Variants in BRPF3 observed in about 807,000 individuals in gnomAD.
BRPF3 encodes bromodomain and PHD finger-containing protein 3.
A neutral mutation model predicts 102.0 loss-of-function variants in BRPF3; 18 were observed. The observed-to-expected ratio is 0.18, with a 90% CI of 0.12 to 0.26. The LOEUF is 0.26. Among genes scored for constraint, BRPF3 ranks in the 10% least tolerant of loss-of-function variants. The probability of loss-of-function intolerance (pLI) is 1.00; values close to 1 mark genes in which losing one functional copy is unlikely to be tolerated. For synonymous variants in BRPF3, 570 were observed against 614.2 expected (o/e 0.93, Z 1.06); for missense variants, 1,147 against 1,567.8 (o/e 0.73, Z 4.53).
At chr6:36,213,134 A>G (rs1369162599) in intron 7 of BRPF3, among the ~76,000 whole-genome samples, 6 of 152,262 alleles carry the variant, frequency 3.9e-5, no homozygotes, top group African/African-American at 1.2e-4. Flanking sequence ...TCTTGAGTCC[A>G]GTGAGAATTG....
At chr6:36,218,546 G>T (rs1044172435) in intron 9 of BRPF3, among the ~76,000 whole-genome samples, 1 of 147,002 alleles carries the variant, frequency 6.8e-6, no homozygotes, top group African/African-American at 2.5e-5. Flanking sequence ...TGCAACCTCC[G>T]CCTCCTGGGT....
Position 36,222,158 on chromosome 6 carries a change from C to G in BRPF3, c.3084-10C>G, listed in dbSNP as rs1187180332. 6.5e-7 allele frequency: 1 copy of G among 1,550,170 alleles called. No homozygotes were observed. Among genetic ancestry groups the G allele is most frequent in the Admixed American group, 2.0e-5 (1 of 51,024 alleles). On this transcript the variant is annotated splice_polypyrimidine_tract_variant and intron_variant, in intron 9 of 12. Transcript: ENST00000357641. ...CTCATTTCACCCCTCTCTCCCTGCT[C>G]TGTGTGCAGTGGTCTGACGCCCCCC...
Position 36,200,976 on chromosome 6 carries a change from C to T in BRPF3, c.654C>T (p.Cys218=). The T allele has an allele frequency of 6.2e-7, 1 of 1,614,130 alleles. No homozygotes were observed. Among genetic ancestry groups the T allele is most frequent in the South Asian group, 1.1e-5 (1 of 91,078 alleles). ...LIDEDAFCCV[C]LDDECHNSNV... ...ATGAAGACGCTTTCTGCTGTGTGTGCCTGGATGATGAATGTCACAATAGCA... is the reference window on the plus strand; with the variant it reads ...ATGAAGACGCTTTCTGCTGTGTGTGTCTGGATGATGAATGTCACAATAGCA... The change falls in exon 2 of 13, where the codon TGC becomes TGT. Residue 218 remains cysteine, a synonymous_variant. Transcript: ENST00000357641. This position sits in a 1 kb window ranked among gnomAD's most constrained non-coding sequence, Gnocchi z 5.3.
chr6:36,197,666 G>T (rs1329459723), intron 1 of BRPF3: 1 of 151,894 alleles, frequency 6.6e-6, no homozygotes, highest in Non-Finnish European at 1.5e-5. Flanking sequence ...AATCTGGGGG[G>T]GCGGGGGTTG....
At position 36,196,912 on chromosome 6, in the gene BRPF3, G is replaced by T. The variant is rs1466750166; in HGVS notation, c.-85G>T. ...CTTCCCGGGCCGCGCCGACCTGCTCGGCGGCCTGCCCGCCCGCGCCCAGGG... is the reference window on the plus strand; with the variant it reads ...CTTCCCGGGCCGCGCCGACCTGCTCTGCGGCCTGCCCGCCCGCGCCCAGGG... On this transcript the variant is annotated 5_prime_UTR_variant, in exon 1 of 13. Transcript: ENST00000357641. The T allele has an allele frequency of 6.6e-6, 1 of 151,526 alleles. No individual in the cohort carries two copies. Among genetic ancestry groups the T allele is most frequent in the Non-Finnish European group, 1.5e-5 (1 of 67,750 alleles). The allele number at this position is 151,526 out of a possible 1,614,324, so 9.4% of individuals were successfully genotyped here.
At chr6:36,225,560 T>G (rs1043521548) in intron 11 of BRPF3, among the ~76,000 whole-genome samples, 196 bp downstream of exon 11, 1 of 152,170 alleles carries the variant, frequency 6.6e-6, no homozygotes. Flanking sequence ...GCTAAAAGTA[T>G]GCAGATCAAG....
chr6:36,220,486 C>T (rs1277054699), intron 9 of BRPF3, among the ~76,000 whole-genome samples: 1 of 152,172 alleles, frequency 6.6e-6, no homozygotes, highest in Non-Finnish European at 1.5e-5. Flanking sequence ...GGGTTTTGAA[C>T]CCAGATAGGC....
rs369444338 is a variant in BRPF3, at chr6:36,200,546, A to G, written c.224A>G (p.Asn75Ser). The G allele has an allele frequency of 6.8e-6, 11 of 1,614,230 alleles. No homozygotes were observed. The highest frequency in any genetic ancestry group is 6.7e-5 in the African/African-American group (5 of 75,058). ...ELTAQDITEC[N>S]SNKENSEQPQ... Reference sequence around the variant, plus strand: ...ACTGCCCAGGATATCACCGAATGCAATAGTAACAAGGAAAACAGTGAACAG... The same window carrying G: ...ACTGCCCAGGATATCACCGAATGCAGTAGTAACAAGGAAAACAGTGAACAG... The change falls in exon 2 of 13, where the codon AAT (asparagine) becomes AGT (serine). Residue 75 changes from asparagine (N) to serine (S), a missense_variant. Physicochemically the swap from Asn to Ser is conservative, Grantham distance 46. Transcript: ENST00000357641. This position sits in a 1 kb window ranked among gnomAD's most constrained non-coding sequence, Gnocchi z 5.3.
In BRPF3 at chr6:36,229,184, C is replaced by T. The variant is rs1464746574; in HGVS notation, c.3434+128C>T. 1.3e-5 allele frequency: 15 copies of T among 1,191,662 alleles called. No individual in the cohort carries two copies. The Admixed American group carries it at 3.7e-4, about 30-fold the overall frequency. 73.8% of individuals were successfully genotyped at this position (1,191,662 alleles called of 1,614,324 possible). On this transcript the variant is annotated intron_variant, in intron 12 of 12. Coordinates refer to ENST00000357641, the MANE Select transcript of BRPF3 (RefSeq NM_015695.3). Reference sequence around the variant, plus strand: ...TACCCTGGTCTCCACTTGCCAGCAACAGGCCTGCACTTGGCATGTTAATAG... The same window carrying T: ...TACCCTGGTCTCCACTTGCCAGCAATAGGCCTGCACTTGGCATGTTAATAG...
chr6:36,229,185 A>T (rs1319043981), intron 12 of BRPF3, 129 bp downstream of exon 12: 1 of 1,195,692 alleles, frequency 8.4e-7, no homozygotes, highest in Admixed American at 2.5e-5. Flanking sequence ...TGCCAGCAAC[A>T]GGCCTGCACT....
rs746975010 is a variant in BRPF3, at chr6:36,200,431, G to T, written c.109G>T (p.Ala37Ser). The change falls in exon 2 of 13, where the codon GCC (alanine) becomes TCC (serine). Residue 37 changes from alanine to serine, a missense_variant. Coordinates refer to ENST00000357641, the MANE Select transcript of BRPF3 (RefSeq NM_015695.3). The surrounding 1 kb of genome is among the most constrained non-coding windows in gnomAD (Gnocchi z 5.3). ...CCGGGAGACCCTGACATATGCCCAG[G>T]CCCAGCGGATTGTCGAGGTAGACAT... ...PTRETLTYAQ[A>S]QRIVEVDIDG... 6 of 1,614,144 alleles carry T rather than the reference G, an allele frequency of 3.7e-6. No individual in the cohort carries two copies. In the South Asian group the frequency reaches 4.4e-5, roughly 12 times the overall value.
chr6:36,213,876 A>T lies in BRPF3; in HGVS notation c.2483-4A>T, dbSNP rs1422081484. ...TTCAAGCAGATTCTCTTTTTTTCTA[A>T]TAGATGACTCCAAACTGCCTCCTCC... On this transcript the variant is annotated splice_polypyrimidine_tract_variant and splice_region_variant and intron_variant, in intron 7 of 12. Transcript: ENST00000357641. 2.5e-6 allele frequency: 4 copies of T among 1,577,456 alleles called. No homozygotes were observed. The Admixed American group carries it at 5.8e-5, about 23-fold the overall frequency.
intron 2 of BRPF3, among the ~76,000 whole-genome samples, chr6:36,202,012 A>G (rs572488209): frequency 1.3e-5 from 2 of 152,342 alleles, no homozygotes; most frequent in African/African-American, 4.8e-5. Context: ...AACTCAGGTG[A>G]TAGGATATCT....
Position 36,210,122 on chromosome 6 carries a change from A to G in BRPF3, c.1867-94A>G. On this transcript the variant is annotated intron_variant, in intron 5 of 12. Transcript: ENST00000357641. This position sits in a 1 kb window ranked among gnomAD's most constrained non-coding sequence, Gnocchi z 4.7. ...TCTTTGAGTTAGCCTGGCATGGCCA[A>G]ATCAGAAATTGAGGAGGCCAAGAGT... is the stretch of plus-strand genomic sequence containing the variant. 1 of 1,513,342 alleles carries G rather than the reference A, an allele frequency of 6.6e-7. No homozygotes were observed. Among genetic ancestry groups the G allele is most frequent in the Admixed American group, 1.8e-5 (1 of 56,366 alleles). 93.7% of individuals were successfully genotyped at this position (1,513,342 alleles called of 1,614,324 possible). A position where few individuals can be genotyped will look rare whatever the true frequency, so the allele number is the denominator to read the frequency against.
chr6:36,212,865 A>C (rs1490631439), intron 7 of BRPF3, among the ~76,000 whole-genome samples: 1 of 151,988 alleles, frequency 6.6e-6, no homozygotes, highest in East Asian at 1.9e-4. Flanking sequence ...AGGCAGGAGA[A>C]TGGCGTGAAC....
At position 36,218,024 on chromosome 6, in the gene BRPF3, C is replaced by T. The variant is rs1417418709; in HGVS notation, c.3083+14C>T. On this transcript the variant is annotated intron_variant, in intron 9 of 12. Transcript: ENST00000357641. ...TGAAGCTTGCAGGTAAGAACACATT[C>T]CCAAAGCTTTGTCAGCAGCTCTGCT... The T allele has an allele frequency of 4.4e-6, 7 of 1,606,722 alleles. No homozygotes were observed. The highest frequency in any genetic ancestry group is 5.1e-6 in the Non-Finnish European group (6 of 1,175,634).
chr6:36,210,580 A>C lies in BRPF3; in HGVS notation c.2179+52A>C, dbSNP rs908827631. On this transcript the variant is annotated intron_variant, in intron 6 of 12. Transcript: ENST00000357641. This position sits in a 1 kb window ranked among gnomAD's most constrained non-coding sequence, Gnocchi z 4.7. ...AGAGGGGCCAGGAGGAGGCACAGGA[A>C]CAGAGTCTACAGAGTGAGGGATCAG... is the stretch of plus-strand genomic sequence containing the variant. 6.7e-7 allele frequency: 1 copy of C among 1,493,356 alleles called. No individual in the cohort carries two copies. The highest frequency in any genetic ancestry group is 9.0e-7 in the Non-Finnish European group (1 of 1,116,670). The allele number at this position is 1,493,356 out of a possible 1,614,324, so 92.5% of individuals were successfully genotyped here.
At position 36,214,135 on chromosome 6, in the gene BRPF3, A is replaced by T. The variant is rs770317465; in HGVS notation, c.2738A>T (p.Asp913Val). Residue 913 changes from aspartate (D) to valine (V), a missense_variant, in exon 8 of 13, where the codon GAC becomes GTC. Asp to Val is a radical substitution (Grantham distance 152). This residue lies in a region of BRPF3 where 379 missense variants were observed against 426.3 expected (regional missense o/e 0.89). Transcript: ENST00000357641. ...GINRLSLMAP[D>V]TPAGTPLSGV... ...AACAGACTATCCCTCATGGCCCCTG[A>T]CACCCCGGCCGGTACCCCACTTAGT... 1 of 1,614,134 alleles carries T rather than the reference A, an allele frequency of 6.2e-7. No homozygotes were observed. Among genetic ancestry groups the T allele is most frequent in the East Asian group, 2.2e-5 (1 of 44,882 alleles).
intron 8 of BRPF3, among the ~76,000 whole-genome samples, 193 bp downstream of exon 8, chr6:36,214,579 A>G (rs1768260359): frequency 1.3e-5 from 2 of 152,160 alleles, no homozygotes; most frequent in Admixed American, 6.5e-5. Context: ...TTGAGCAGGT[A>G]TTTTCCAGAG....
Sources: allele counts gnomAD v4.1 joint callset (sites outside exome capture counted in the v4.1 genomes callset), GRCh38; gene constraint gnomAD v4.1.1; regional missense constraint gnomAD v4.1.1; non-coding constraint Gnocchi (gnomAD v3.1); transcripts MANE v1.5; gene names NCBI Gene and HGNC (gene_info 2026-07-23, HGNC 2026-07-21).